PTGIS: variants seen among roughly 807,000 people sequenced by gnomAD.
PTGIS encodes prostacyclin synthase.
In PTGIS, 45 loss-of-function variants were observed where a neutral mutation model predicts 50.3. That is an observed-to-expected ratio of 0.90 (90% CI 0.70 to 1.15). PTGIS has a LOEUF of 1.15. Ranked by LOEUF, PTGIS falls within the 50% of genes most tolerant of loss-of-function variation. The probability of loss-of-function intolerance (pLI) is 0.00; values close to 1 mark genes in which losing one functional copy is unlikely to be tolerated. For synonymous variants in PTGIS, 260 were observed against 267.7 expected, an observed-to-expected ratio of 0.97 and a Z score of 0.28; for missense variants, 668 against 661.3, an observed-to-expected ratio of 1.01 and a Z score of -0.11.
At chr20:49,521,186 G>T (rs183572091) in intron 6 of PTGIS, among the ~76,000 whole-genome samples, 1 of 152,160 alleles carries the variant, frequency 6.6e-6, no homozygotes, top group African/African-American at 2.4e-5. Flanking sequence ...TCACAACCAC[G>T]TCTTGAAACG....
rs909384054 is a variant in PTGIS, at chr20:49,504,379, G to T, written c.*3541C>A. The T allele has an allele frequency of 3.3e-5, 5 of 152,110 alleles. No homozygotes were observed. The highest frequency in any genetic ancestry group is 1.2e-4 in the African/African-American group (5 of 41,424). The allele number at this position is 152,110 out of a possible 1,614,324, so 9.4% of individuals were successfully genotyped here. ...TGTTATCCACTATTGGCAGCAATTG[G>T]GGGGAAAAAAAGTTCATTTTAAAAA... On this transcript the variant is annotated 3_prime_UTR_variant, in exon 10 of 10. Transcript: ENST00000244043.
chr20:49,517,971 C>T (rs1981534123), intron 6 of PTGIS, among the ~76,000 whole-genome samples: 1 of 152,294 alleles, frequency 6.6e-6, no homozygotes. Context: ...ATGACGTGGG[C>T]TGGGCCAGTG....
At chr20:49,528,845 A>G (rs1164850856) in intron 5 of PTGIS, among the ~76,000 whole-genome samples, 1 of 152,232 alleles carries the variant, frequency 6.6e-6, no homozygotes, top group African/African-American at 2.4e-5. Flanking sequence ...ATTCACTTGC[A>G]CTTGTGTGAA....
intron 5 of PTGIS, among the ~76,000 whole-genome samples, chr20:49,524,949 G>GT (rs1981758131): frequency 1.3e-5 from 2 of 152,180 alleles, no homozygotes; most frequent in South Asian, 4.1e-4. Context: ...ATAAATGGTA[G>GT]TTCTTTCCAG....
At chr20:49,518,347 T>C (rs1981550679) in intron 6 of PTGIS, among the ~76,000 whole-genome samples, 1 of 152,220 alleles carries the variant, frequency 6.6e-6, no homozygotes, top group East Asian at 1.9e-4. Flanking sequence ...TCAATTTTGT[T>C]GTGAACCTAA....
chr20:49,519,546 C>A (rs1370427441), intron 6 of PTGIS, among the ~76,000 whole-genome samples: 1 of 151,968 alleles, frequency 6.6e-6, no homozygotes, highest in Non-Finnish European at 1.5e-5. Context: ...ATGCCCCCTT[C>A]TTCACCCACC....
At chr20:49,515,099 T>C (rs2122842953) in intron 6 of PTGIS, among the ~76,000 whole-genome samples, 1 of 152,344 alleles carries the variant, frequency 6.6e-6, no homozygotes, top group East Asian at 1.9e-4. Context: ...TATGCAACAA[T>C]AGCTAACTGG....
chr20:49,564,972 CTTT>C (rs397864477), intron 1 of PTGIS, among the ~76,000 whole-genome samples: 3 of 136,068 alleles, frequency 2.2e-5, no homozygotes, highest in African/African-American at 2.7e-5. Context: ...CTTGTTTGCC[CTTT>C]TTTTTTTTTT....
chr20:49,539,740 G>A lies in PTGIS; in HGVS notation c.522-19C>T, dbSNP rs776972174. ...GCCGGCTCTGGGGGCGGCAGACAGA[G>A]GGTCAGGGGTCCTCCTGGGACACTC... On this transcript the variant is annotated intron_variant, in intron 4 of 9. Coordinates refer to ENST00000244043, the MANE Select transcript of PTGIS (RefSeq NM_000961.4). The A allele has an allele frequency of 6.2e-7, 1 of 1,605,396 alleles. No individual in the cohort carries two copies. The highest frequency in any genetic ancestry group is 8.5e-7 in the Non-Finnish European group (1 of 1,178,904).
At chr20:49,541,703 C>T (rs1200270922) in intron 4 of PTGIS, among the ~76,000 whole-genome samples, 2 of 152,056 alleles carry the variant, frequency 1.3e-5, no homozygotes, top group African/African-American at 4.8e-5. Context: ...TATTGCACTC[C>T]AGCCTGGGCG....
At chr20:49,549,043 A>G (rs1430147288) in intron 2 of PTGIS, among the ~76,000 whole-genome samples, 1 of 152,208 alleles carries the variant, frequency 6.6e-6, no homozygotes, top group Non-Finnish European at 1.5e-5. Context: ...TGGATGAGAT[A>G]TAAATAGATG....
chr20:49,530,800 G>A (rs534226729), intron 5 of PTGIS, among the ~76,000 whole-genome samples: 30 of 152,094 alleles, frequency 2.0e-4, no homozygotes, highest in African/African-American at 6.3e-4. Context: ...TCGCTCTGTC[G>A]CCAGGCTGGA....
chr20:49,551,060 C>T (rs1779701541), intron 1 of PTGIS, among the ~76,000 whole-genome samples: 1 of 152,068 alleles, frequency 6.6e-6, no homozygotes, highest in African/African-American at 2.4e-5. Context: ...AAAAATTAGC[C>T]AGGCATGGTC....
At chr20:49,535,275 T>G (rs1490169045) in intron 5 of PTGIS, among the ~76,000 whole-genome samples, 2 of 152,126 alleles carry the variant, frequency 1.3e-5, no homozygotes, top group African/African-American at 4.8e-5. Flanking sequence ...CTCTGTGGTT[T>G]TGGAAATGAT....
At chr20:49,544,524 A>T (rs996850668) in intron 3 of PTGIS, 76 bp from the exon 4 acceptor site, 30 of 1,551,812 alleles carry the variant, frequency 1.9e-5, no homozygotes, top group Non-Finnish European at 2.2e-5. Flanking sequence ...CCCTCCCCAA[A>T]CCTAAGGGTC....
At chr20:49,537,884 C>G (rs1000797143) in intron 5 of PTGIS, among the ~76,000 whole-genome samples, 8 of 152,144 alleles carry the variant, frequency 5.3e-5, no homozygotes, top group Non-Finnish European at 1.0e-4. Flanking sequence ...GGGGACTACT[C>G]AAATGTCTAT....
intron 5 of PTGIS, 27 bp downstream of exon 5, chr20:49,539,543 A>G (rs776219329): frequency 5.4e-5 from 87 of 1,608,820 alleles, no homozygotes; most frequent in Non-Finnish European, 7.1e-5. Context: ...CCTCCCCCCC[A>G]CCCACTGGGG....
intron 5 of PTGIS, among the ~76,000 whole-genome samples, chr20:49,529,365 T>C (rs999366909): frequency 6.6e-6 from 1 of 152,202 alleles, no homozygotes; most frequent in Non-Finnish European, 1.5e-5. Context: ...CGGTATTTGA[T>C]TTTCTGTGTC....
At chr20:49,544,614 C>T (rs1398649838) in intron 3 of PTGIS, among the ~76,000 whole-genome samples, 166 bp from the exon 4 acceptor site, 5 of 152,184 alleles carry the variant, frequency 3.3e-5, no homozygotes, top group African/African-American at 1.2e-4. Flanking sequence ...TGACTGTCAT[C>T]GTCAACAATA....
Sources: allele counts gnomAD v4.1 joint callset (sites outside exome capture counted in the v4.1 genomes callset), GRCh38; gene constraint gnomAD v4.1.1; transcripts MANE v1.5; gene names NCBI Gene and HGNC (gene_info 2026-07-23, HGNC 2026-07-21).